The following NALF2 variants were observed in gnomAD, a reference collection of about 807,000 sequenced individuals.
The protein encoded by NALF2 is bB57D9.1 (TED protein).
In NALF2, 1 loss-of-function variant was observed where a neutral mutation model predicts 24.8. That is an observed-to-expected ratio of 0.04 (90% CI 0.01 to 0.19). NALF2 has a LOEUF of 0.19. NALF2 is among the 10% of genes least tolerant of loss of function. The pLI is 1.00. For missense variants in NALF2, 458 were observed against 409.6 expected (o/e 1.12, Z -1.02); for synonymous variants, 254 against 189.8 (o/e 1.34, Z -2.78).
intron 1 of NALF2, among the ~76,000 whole-genome samples, chrX:69,520,703 T>G (rs1440243042): frequency 8.9e-6 from 1 of 112,022 alleles, no homozygotes; most frequent in East Asian, 2.8e-4. Context: ...TTTCCCTGAC[T>G]TAATAAATGA....
intron 1 of NALF2, among the ~76,000 whole-genome samples, chrX:69,507,831 T>G (rs761530299): frequency 9.0e-6 from 1 of 111,430 alleles, no homozygotes; most frequent in African/African-American, 3.3e-5. Context: ...CCCTGTTTTT[T>G]GTTTGTTTGT....
chrX:69,505,986 C>A lies in NALF2; in HGVS notation c.704C>A (p.Pro235Gln). 8.3e-7 allele frequency: 1 copy of A among 1,211,405 alleles called. No individual in the cohort carries two copies. The highest frequency in any genetic ancestry group is 1.8e-5 in the South Asian group (1 of 56,901). ...GACCTGCTGGCCGTGGTGGCCAGCC[C>A]GGGCTCCGGGGCCTGGGAGGCGTGT... ...MGDLLAVVAS[P>Q]GSGAWEACSN... Residue 235 changes from proline (P) to glutamine (Q), a missense_variant, in exon 1 of 3, where the codon CCG (proline) becomes CAG (glutamine). By Grantham distance (76) the Pro-to-Gln change is moderately conservative. Coordinates refer to ENST00000252338, the MANE Select transcript of NALF2 (RefSeq NM_015686.3).
chrX:69,530,180 G>A lies in NALF2; in HGVS notation c.*224G>A, dbSNP rs752358838. On this transcript the variant is annotated 3_prime_UTR_variant, in exon 3 of 3. Coordinates refer to ENST00000252338, the MANE Select transcript of NALF2 (RefSeq NM_015686.3). ...AAAACTCATCCAGGAGAAAAAGGCA[G>A]GAGCAGCAAGTGACCCCTCCCAAGC... 1 of 368,473 alleles carries A rather than the reference G, an allele frequency of 2.7e-6. No individual in the cohort carries two copies. Among genetic ancestry groups the A allele is most frequent in the Admixed American group, 5.0e-5 (1 of 20,128 alleles). The allele number at this position is 368,473 out of a possible 1,213,427, so 30.4% of individuals were successfully genotyped here.
Position 69,506,797 on chromosome X carries a change from T to G in NALF2, c.861+654T>G, listed in dbSNP as rs191814111. 1.2e-4 allele frequency among the ~76,000 whole-genome samples: 13 copies of G among 112,719 alleles called. No individual in the cohort carries two copies. In the East Asian group the frequency reaches 3.1e-3, roughly 27 times the overall value. ...GGAGCTGGGAACAGGGAACAGCGAC[T>G]GGTGGGAAGGCCACTGAAGGTTAGT... On this transcript the variant is annotated intron_variant, in intron 1 of 2. Coordinates refer to ENST00000252338, the MANE Select transcript of NALF2 (RefSeq NM_015686.3).
rs749585287 is a variant in NALF2 at position 69,505,941 on chromosome X, G to A, written c.659G>A (p.Ser220Asn). 2 of 1,210,253 alleles carry A rather than the reference G, an allele frequency of 1.7e-6. No individual in the cohort carries two copies. The highest frequency in any genetic ancestry group is 3.0e-5 in the East Asian group (1 of 33,716). The change falls in exon 1 of 3, where the codon AGC becomes AAC. Residue 220 changes from serine (S) to asparagine (N), a missense_variant. Physicochemically the swap from Ser to Asn is conservative, Grantham distance 46. Coordinates refer to ENST00000252338, the MANE Select transcript of NALF2 (RefSeq NM_015686.3). ...GACCGCCCCGACAGCCTGGACTGTA[G>A]CCTGGACACCCTGATGGGGGACCTG... ...GMDRPDSLDC[S>N]LDTLMGDLLA...
In NALF2 at chrX:69,505,169, G is replaced by A; in HGVS notation, c.-114G>A. The A allele has an allele frequency of 1.3e-6, 1 of 755,497 alleles. No individual in the cohort carries two copies. Among genetic ancestry groups the A allele is most frequent in the East Asian group, 4.4e-5 (1 of 22,656 alleles). 62.3% of individuals were successfully genotyped at this position (755,497 alleles called of 1,213,427 possible). A position where few individuals can be genotyped will look rare whatever the true frequency, so the allele number is the denominator to read the frequency against. On this transcript the variant is annotated 5_prime_UTR_variant, in exon 1 of 3. Coordinates refer to ENST00000252338, the MANE Select transcript of NALF2 (RefSeq NM_015686.3). ...CGGCCTGCCTCACCATGCAGCCCCC[G>A]AGGTAGAGCCTGGACGGCGCCGAGG...
chrX:69,506,435 CTGACAA>C (rs1335894380), intron 1 of NALF2, among the ~76,000 whole-genome samples: 2 of 113,043 alleles, frequency 1.8e-5, no homozygotes, highest in Non-Finnish European at 3.8e-5. Context: ...GGGCCCTGGG[CTGACAA>C]TGAGGTGGCA....
intron 1 of NALF2, among the ~76,000 whole-genome samples, chrX:69,506,711 A>G (rs1930493704): frequency 8.8e-6 from 1 of 113,034 alleles, no homozygotes; most frequent in Non-Finnish European, 1.9e-5. Flanking sequence ...GGTCGAGCCC[A>G]GGGGCTGCCT....
intron 1 of NALF2, 137 bp downstream of exon 1, chrX:69,506,280 C>A: frequency 3.0e-6 from 2 of 660,431 alleles, no homozygotes; most frequent in Non-Finnish European, 4.5e-6. Context: ...ACTACCAGTG[C>A]CACCCTGGGA....
intron 1 of NALF2, among the ~76,000 whole-genome samples, chrX:69,527,478 G>A (rs891706976): frequency 8.9e-6 from 1 of 112,012 alleles, no homozygotes; most frequent in Admixed American, 9.4e-5. Context: ...GAAACTGACA[G>A]TGCTTCTGAA....
chrX:69,507,214 C>T (rs1041000474), intron 1 of NALF2, among the ~76,000 whole-genome samples: 5 of 111,572 alleles, frequency 4.5e-5, no homozygotes, highest in African/African-American at 9.8e-5. Context: ...TAGCCTAGCT[C>T]GTGTCCCTCC....
chrX:69,511,861 C>T (rs1930589350), intron 1 of NALF2, among the ~76,000 whole-genome samples: 1 of 112,020 alleles, frequency 8.9e-6, no homozygotes, highest in African/African-American at 3.2e-5. Flanking sequence ...ATGTTGGTCC[C>T]CTCTGGATGT....
intron 1 of NALF2, among the ~76,000 whole-genome samples, chrX:69,515,266 G>A (rs1362304779): frequency 8.9e-6 from 1 of 112,171 alleles, no homozygotes; most frequent in African/African-American, 3.2e-5. Context: ...TTAACAATAT[G>A]TAGTGTGTTC....
intron 1 of NALF2, among the ~76,000 whole-genome samples, chrX:69,511,381 C>G (rs1233549232): frequency 1.8e-5 from 2 of 111,579 alleles, no homozygotes; most frequent in Non-Finnish European, 3.8e-5. Context: ...TGCTCTCTTT[C>G]ATCTTCTGGT....
rs765971562 is a variant in NALF2 at position 69,505,826 on chromosome X, G to T, written c.544G>T (p.Ala182Ser). 8.3e-7 allele frequency: 1 copy of T among 1,208,576 alleles called. No individual in the cohort carries two copies. Among genetic ancestry groups the T allele is most frequent in the South Asian group, 1.8e-5 (1 of 56,734 alleles). ...CCGTGCCCCGGCCGAGTTCCCCTCC[G>T]CCAAAAAAAACTTGCTCAAAGGCCA... ...LSRAPAEFPS[A>S]KKNLLKGHFR... The change falls in exon 1 of 3, where the codon GCC becomes TCC. Residue 182 changes from alanine to serine, a missense_variant. Ala to Ser is a moderately conservative substitution (Grantham distance 99, BLOSUM62 1). Transcript: ENST00000252338.
chrX:69,529,484 G>A (rs1339282843), intron 2 of NALF2, 87 bp from the exon 3 acceptor site: 1 of 1,120,848 alleles, frequency 8.9e-7, no homozygotes. Flanking sequence ...TACTTGAGCA[G>A]CCCCAGCTCT....
intron 1 of NALF2, among the ~76,000 whole-genome samples, chrX:69,525,860 C>G (rs770584926): frequency 9.2e-6 from 1 of 108,510 alleles, no homozygotes; most frequent in African/African-American, 3.4e-5. Flanking sequence ...CCCCTTACCC[C>G]AACTGCCACT....
intron 1 of NALF2, among the ~76,000 whole-genome samples, chrX:69,508,523 G>A (rs1194317359): frequency 9.0e-6 from 1 of 111,580 alleles, no homozygotes; most frequent in Non-Finnish European, 1.9e-5. Flanking sequence ...GCTGCCTGCT[G>A]TGCCGGCAGA....
chrX:69,529,082 G>A lies in NALF2; in HGVS notation c.951G>A (p.Leu317=). 8.3e-7 allele frequency: 1 copy of A among 1,211,152 alleles called. No individual in the cohort carries two copies. Among genetic ancestry groups the A allele is most frequent in the Non-Finnish European group, 1.1e-6 (1 of 895,049 alleles). The part of the protein sequence containing the change: ...QRWVPCKQYC[L]EVQTRCPFIL... ...GGGTGCCCTGCAAGCAATACTGCCT[G>A]GAGGTGCAGACCCGGTGCCCCTTTA... Residue 317 remains leucine (L), a synonymous_variant, in exon 2 of 3, where the codon CTG becomes CTA. Transcript: ENST00000252338.
Sources: gnomAD v4.1 joint callset for allele counts (sites outside exome capture counted in the v4.1 genomes callset) on GRCh38, gnomAD v4.1.1 for gene constraint, MANE v1.5 for transcripts, NCBI Gene and HGNC (gene_info 2026-07-23, HGNC 2026-07-21) for gene names.